STK32B: variants seen among roughly 807,000 people sequenced by gnomAD.
STK32B encodes serine/threonine kinase 32B.
Under a neutral mutation model 52.6 loss-of-function variants are expected in STK32B, and 43 were observed. The ratio of observed to expected loss-of-function variants is 0.82; its 90% CI spans 0.64 to 1.05. The LOEUF is 1.05. Ranked by LOEUF, STK32B falls within the 50% of genes least tolerant of loss-of-function variation. STK32B has a pLI of 0.00. For synonymous variants in STK32B, 238 were observed against 204.3 expected, an observed-to-expected ratio of 1.17 and a Z score of -1.41; for missense variants, 621 against 534.6, an observed-to-expected ratio of 1.16 and a Z score of -1.59.
At chr4:5,158,552 C>A (rs924098835) in intron 2 of STK32B, among the ~76,000 whole-genome samples, 1 of 152,254 alleles carries the variant, frequency 6.6e-6, no homozygotes, top group East Asian at 1.9e-4. Flanking sequence ...AACAGCTCCC[C>A]AGTGCTCTCA....
At chr4:5,393,549 T>C (rs1736707874) in intron 4 of STK32B, among the ~76,000 whole-genome samples, 1 of 152,082 alleles carries the variant, frequency 6.6e-6, no homozygotes. Context: ...CTTACGATGG[T>C]GGCAAAAGGC....
At chr4:5,429,687 T>C (rs1326788236) in intron 6 of STK32B, among the ~76,000 whole-genome samples, 1 of 152,164 alleles carries the variant, frequency 6.6e-6, no homozygotes, top group East Asian at 1.9e-4. Flanking sequence ...TAGCTTCAAT[T>C]TTCTAGCTGT....
In STK32B at chr4:5,468,918, C is replaced by T. The variant is rs368720468; in HGVS notation, c.1106+848C>T. Reference sequence around the variant, plus strand: ...ACAAAAAGTTAGCTGTGCGCAGTGGCGGGCACCTGTAGTCCCAGCTACTCG... The same window carrying T: ...ACAAAAAGTTAGCTGTGCGCAGTGGTGGGCACCTGTAGTCCCAGCTACTCG... On this transcript the variant is annotated intron_variant, in intron 11 of 11. Transcript: ENST00000282908. 3.5e-4 allele frequency among the ~76,000 whole-genome samples: 54 copies of T among 152,138 alleles called. No individual in the cohort carries two copies. The East Asian group carries it at 7.2e-3, about 20-fold the overall frequency.
intron 1 of STK32B, among the ~76,000 whole-genome samples, chr4:5,130,897 C>T (rs1715730947): frequency 6.6e-6 from 1 of 152,186 alleles, no homozygotes; most frequent in South Asian, 2.1e-4. Context: ...TTCTCATCCC[C>T]TGGGAAATTT....
intron 4 of STK32B, among the ~76,000 whole-genome samples, chr4:5,382,579 C>T (rs1736002438): frequency 6.6e-6 from 1 of 152,004 alleles, no homozygotes; most frequent in African/African-American, 2.4e-5. Flanking sequence ...CTGTGGTCTT[C>T]CTAAAGAGCA....
At chr4:5,098,903 T>G (rs982517003) in intron 1 of STK32B, among the ~76,000 whole-genome samples, 2 of 152,208 alleles carry the variant, frequency 1.3e-5, no homozygotes, top group African/African-American at 4.8e-5. Flanking sequence ...CACTACTGTA[T>G]GGAAAGAGGG....
intron 3 of STK32B, among the ~76,000 whole-genome samples, chr4:5,211,976 C>A (rs992392034): frequency 2.0e-5 from 3 of 152,254 alleles, no homozygotes; most frequent in African/African-American, 7.2e-5. Flanking sequence ...TTAAGACTCA[C>A]CAATGAAAAC....
upstream of STK32B, among the ~76,000 whole-genome samples, chr4:5,047,369 G>A (rs1741640440): frequency 1.3e-5 from 2 of 151,944 alleles, no homozygotes. Flanking sequence ...GGAACCTAGA[G>A]GAGGGGTCAA....
chr4:5,498,652 C>A (rs549290831), intron 11 of STK32B, among the ~76,000 whole-genome samples: 2 of 152,312 alleles, frequency 1.3e-5, no homozygotes, highest in African/African-American at 4.8e-5. Context: ...AATATGTGAT[C>A]TCAAGTAAAC....
At chr4:5,294,059 G>C (rs1177526521) in intron 3 of STK32B, among the ~76,000 whole-genome samples, 1 of 152,076 alleles carries the variant, frequency 6.6e-6, no homozygotes, top group African/African-American at 2.4e-5. Flanking sequence ...TTTCCCCATT[G>C]GTTGTTTTTG....
chr4:5,195,326 C>T (rs1384985482), intron 3 of STK32B, among the ~76,000 whole-genome samples: 1 of 152,148 alleles, frequency 6.6e-6, no homozygotes, highest in Non-Finnish European at 1.5e-5. Context: ...AGATTTGTGC[C>T]TGCTGCCTCC....
At chr4:5,212,445 T>G (rs578100554) in intron 3 of STK32B, among the ~76,000 whole-genome samples, 23 of 152,326 alleles carry the variant, frequency 1.5e-4, no homozygotes, top group African/African-American at 5.5e-4. Context: ...GTCATGACTT[T>G]CTGCACTGAG....
intron 3 of STK32B, among the ~76,000 whole-genome samples, chr4:5,255,662 A>G (rs1726247114): frequency 6.6e-6 from 1 of 152,078 alleles, no homozygotes; most frequent in Non-Finnish European, 1.5e-5. Flanking sequence ...CTTAATGTGA[A>G]TGGAATCATA....
At chr4:5,475,756 T>TA (rs113442373) in intron 11 of STK32B, among the ~76,000 whole-genome samples, 22,116 of 141,466 alleles carry the variant, frequency 0.16, 3,253 homozygotes, top group African/African-American at 0.4. Flanking sequence ...ATGTGGAAAA[T>TA]AAAAAAAAAA....
At chr4:5,167,096 C>T (rs981013020) in intron 2 of STK32B, among the ~76,000 whole-genome samples, 4 of 152,298 alleles carry the variant, frequency 2.6e-5, no homozygotes, top group African/African-American at 9.6e-5. Context: ...CCCTCAAAGC[C>T]TCTTCCTTCA....
rs867570273 is a variant in STK32B at position 5,453,134 on chromosome 4, G to T, written c.667-3673G>T. Among the ~76,000 whole-genome samples the T allele has an allele frequency of 6.6e-6, 1 of 151,944 alleles. No individual in the cohort carries two copies. Among genetic ancestry groups the T allele is most frequent in the Admixed American group, 6.6e-5 (1 of 15,256 alleles). On this transcript the variant is annotated intron_variant, in intron 7 of 11. Coordinates refer to ENST00000282908, the MANE Select transcript of STK32B (RefSeq NM_018401.3). This position sits in a 1 kb window ranked among gnomAD's most constrained non-coding sequence, Gnocchi z 4.0. ...ATTTCTAAATGTATTTCCTGCACTG[G>T]CTTCCTAGTGCATTGGAGTTATTAT...
At chr4:5,441,462 C>A (rs1406824935) in intron 6 of STK32B, among the ~76,000 whole-genome samples, 1 of 150,576 alleles carries the variant, frequency 6.6e-6, no homozygotes, top group East Asian at 2.2e-4. Context: ...TCCCCTTTAT[C>A]ATTTTTTATT....
At position 5,380,371 on chromosome 4, in the gene STK32B, G is replaced by A. The variant is rs1338634676; in HGVS notation, c.435-17836G>A. 6.6e-6 allele frequency among the ~76,000 whole-genome samples: 1 copy of A among 152,100 alleles called. No individual in the cohort carries two copies. Among genetic ancestry groups the A allele is most frequent in the Non-Finnish European group, 1.5e-5 (1 of 68,024 alleles). On this transcript the variant is annotated intron_variant, in intron 4 of 11. Coordinates refer to ENST00000282908, the MANE Select transcript of STK32B (RefSeq NM_018401.3). This position sits in a 1 kb window ranked among gnomAD's most constrained non-coding sequence, Gnocchi z 4.3. ...AGAGAATGCAAAAGGCCAGGCTTCT[G>A]CATTTAAAATTATACTATGAAATAG...
At chr4:5,113,926 G>A (rs113514336) in intron 1 of STK32B, among the ~76,000 whole-genome samples, 13 of 28,748 alleles carry the variant, frequency 4.5e-4, no homozygotes, top group Admixed American at 1.4e-3. Context: ...AGGGAAACCC[G>A]CCCCCCTTTT....
Sources: gnomAD v4.1 joint callset for allele counts (sites outside exome capture counted in the v4.1 genomes callset) on GRCh38, gnomAD v4.1.1 for gene constraint, Gnocchi (gnomAD v3.1) non-coding constraint, MANE v1.5 for transcripts, NCBI Gene and HGNC (gene_info 2026-07-23, HGNC 2026-07-21) for gene names.